Variants in RIPOR2 observed in about 807,000 individuals in gnomAD.
The protein encoded by RIPOR2 is RHO family interacting cell polarization regulator 2, also known as rho family-interacting cell polarization regulator 2.
A neutral mutation model predicts 114.5 loss-of-function variants in RIPOR2; 39 were observed. The ratio of observed to expected loss-of-function variants is 0.34; its 90% CI spans 0.26 to 0.44. The LOEUF (loss-of-function observed/expected upper bound fraction) is 0.44, where lower values mean the gene tolerates loss of function less well. RIPOR2 is among the 20% of genes least tolerant of loss of function. The pLI is 1.00. For missense variants in RIPOR2, 1,007 were observed against 1,255.1 expected (o/e 0.80, Z 2.99); for synonymous variants, 445 against 484.4 (o/e 0.92, Z 1.07).
In RIPOR2 at chr6:24,849,868, G is replaced by T; in HGVS notation, c.968C>A (p.Pro323His). The T allele has an allele frequency of 3.1e-6, 5 of 1,613,906 alleles. No homozygotes were observed. Among genetic ancestry groups the T allele is most frequent in the Non-Finnish European group, 3.4e-6 (4 of 1,179,832 alleles). The change falls in exon 11 of 22, where the codon CCT becomes CAT. Residue 323 changes from proline (P) to histidine (H), a missense_variant. Physicochemically the swap from Pro to His is moderately conservative, Grantham distance 77 (BLOSUM62 -2). Coordinates refer to ENST00000643898, the MANE Select transcript of RIPOR2 (RefSeq NM_001286445.3). ...CETKELFAAR[P>H]QVVAVDINDL... Reference sequence around the variant, plus strand: ...ATTGATGTCGACAGCCACTACCTGAGGTCGGGCTGCAAACAGCTCTTTGGT... The same window carrying T: ...ATTGATGTCGACAGCCACTACCTGATGTCGGGCTGCAAACAGCTCTTTGGT...
Position 25,018,628 on chromosome 6 carries a change from A to G in RIPOR2, c.76+23223T>C, listed in dbSNP as rs531735605. Reference sequence around the variant, plus strand: ...TTGGTTTGCGCGAATTGCTTCCTCCAATATGTTTAACTTGTTTGTATTCCT... The same window carrying G: ...TTGGTTTGCGCGAATTGCTTCCTCCGATATGTTTAACTTGTTTGTATTCCT... On this transcript the variant is annotated intron_variant, in intron 1 of 13. Transcript: ENST00000510784. 2.6e-5 allele frequency among the ~76,000 whole-genome samples: 4 copies of G among 152,288 alleles called. No homozygotes were observed. The South Asian group carries it at 6.2e-4, about 24-fold the overall frequency.
chr6:24,952,439 C>T (rs759749978), intron 1 of RIPOR2, among the ~76,000 whole-genome samples: 2 of 152,086 alleles, frequency 1.3e-5, no homozygotes, highest in East Asian at 3.8e-4. Context: ...ATTTGCAGTG[C>T]TTATGGATTT....
At chr6:24,841,357 T>C (rs1207297314) in intron 13 of RIPOR2, among the ~76,000 whole-genome samples, 2 of 152,140 alleles carry the variant, frequency 1.3e-5, no homozygotes, top group African/African-American at 2.4e-5. Flanking sequence ...CCTGAGCTGA[T>C]GGTTTTGAAC....
intron 1 of RIPOR2, chr6:25,024,059 A>AG: frequency 1.3e-6 from 1 of 763,868 alleles, no homozygotes; most frequent in Admixed American, 1.7e-5. Context: ...GGCATCCTCC[A>AG]GGGAGCAGTG....
chr6:24,991,412 G>T (rs1774808867), intron 1 of RIPOR2, among the ~76,000 whole-genome samples: 1 of 151,946 alleles, frequency 6.6e-6, no homozygotes, highest in Non-Finnish European at 1.5e-5. Context: ...CGACTTCTTG[G>T]GTAGCTTGTC....
At chr6:24,857,056 G>A (rs1350583971) in intron 8 of RIPOR2, among the ~76,000 whole-genome samples, 1 of 152,166 alleles carries the variant, frequency 6.6e-6, no homozygotes, top group Non-Finnish European at 1.5e-5. Context: ...TCTGATTGTA[G>A]CAATAATGTA....
At chr6:24,872,331 A>T (rs1177782807) in intron 4 of RIPOR2, among the ~76,000 whole-genome samples, 2 of 152,134 alleles carry the variant, frequency 1.3e-5, no homozygotes, top group African/African-American at 2.4e-5. Flanking sequence ...TATATTTTTT[A>T]AAAATTGGAG....
chr6:24,806,235 G>A lies in RIPOR2; in HGVS notation c.*138C>T, dbSNP rs868764030. The A allele has an allele frequency of 1.0e-5, 7 of 684,344 alleles. No homozygotes were observed. The Middle Eastern group carries it at 8.7e-4, about 85-fold the overall frequency. The allele number at this position is 684,344 out of a possible 1,614,324, so 42.4% of individuals were successfully genotyped here. The stretch of plus-strand genomic sequence containing the variant: ...CCCAAAGTACTGGGATTACAGGCAT[G>A]AGCCACTGCACCTGGCCTACATTTT... On this transcript the variant is annotated 3_prime_UTR_variant, in exon 22 of 22. Transcript: ENST00000643898.
intron 1 of RIPOR2, chr6:25,041,785 G>T: frequency 1.5e-6 from 1 of 683,154 alleles, no homozygotes; most frequent in South Asian, 1.5e-5. Context: ...GGCAAGAAAT[G>T]AGTGTGTTGC....
intron 1 of RIPOR2, among the ~76,000 whole-genome samples, chr6:24,876,495 G>A (rs954569546): frequency 3.3e-5 from 5 of 152,004 alleles, no homozygotes; most frequent in Non-Finnish European, 7.3e-5. Context: ...GATAAGTCAT[G>A]CGTCAAACTG....
intron 1 of RIPOR2, among the ~76,000 whole-genome samples, chr6:24,942,563 C>T (rs1030160658): frequency 1.9e-4 from 29 of 152,212 alleles, no homozygotes; most frequent in African/African-American, 6.8e-4. Context: ...TCCACATCCT[C>T]TCCAGCACCT....
chr6:24,832,113 A>G (rs1337691774), intron 16 of RIPOR2, 143 bp downstream of exon 16: 2 of 807,272 alleles, frequency 2.5e-6, no homozygotes, highest in East Asian at 2.8e-5. Context: ...AATGAGCCCA[A>G]TTTGTTTGGA....
At chr6:24,839,398 TA>T (rs1761416782) in intron 13 of RIPOR2, 126 bp from the exon 14 acceptor site, 5 of 1,436,196 alleles carry the variant, frequency 3.5e-6, no homozygotes, top group Admixed American at 2.9e-5. Flanking sequence ...TGTTAGCATT[TA>T]AAAAATGCAT....
chr6:24,871,305 A>C (rs1562292585), intron 4 of RIPOR2, among the ~76,000 whole-genome samples: 2 of 152,254 alleles, frequency 1.3e-5, no homozygotes, highest in African/African-American at 2.4e-5. Context: ...TATGTGTTAA[A>C]AAATACCTGC....
chr6:24,837,025 C>T (rs1761174554), intron 14 of RIPOR2, among the ~76,000 whole-genome samples: 1 of 152,202 alleles, frequency 6.6e-6, no homozygotes, highest in Non-Finnish European at 1.5e-5. Flanking sequence ...TTGCTACATC[C>T]TGTAACAGCT....
intron 1 of RIPOR2, among the ~76,000 whole-genome samples, chr6:24,935,380 C>CAGAG (rs528051546): frequency 1.3e-3 from 157 of 116,516 alleles, no homozygotes; most frequent in Admixed American, 2.9e-3. Context: ...GAGAGAGAGA[C>CAGAG]AGAGAGAGAG....
chr6:25,024,384 G>A, intron 1 of RIPOR2: 1 of 1,281,102 alleles, frequency 7.8e-7, no homozygotes, highest in Non-Finnish European at 1.1e-6. Context: ...GGCCAGGTAG[G>A]CAATGACATC....
At chr6:24,994,423 C>A (rs1424978891) in intron 1 of RIPOR2, among the ~76,000 whole-genome samples, 2 of 152,200 alleles carry the variant, frequency 1.3e-5, no homozygotes, top group African/African-American at 2.4e-5. Context: ...CCATCAAAAA[C>A]ACCATGTGCT....
intron 1 of RIPOR2, among the ~76,000 whole-genome samples, chr6:24,903,232 C>T (rs776436811): frequency 6.6e-6 from 1 of 152,106 alleles, no homozygotes; most frequent in Non-Finnish European, 1.5e-5. Flanking sequence ...TGCATGGTGG[C>T]TGATAGCTTC....
Sources: allele counts gnomAD v4.1 joint callset (sites outside exome capture counted in the v4.1 genomes callset), GRCh38; gene constraint gnomAD v4.1.1; transcripts MANE v1.5; gene names NCBI Gene and HGNC (gene_info 2026-07-23, HGNC 2026-07-21).